Variants in TENM2 observed in about 807,000 individuals in gnomAD.
The protein encoded by TENM2 is teneurin transmembrane protein 2.
Under a neutral mutation model 245.2 loss-of-function variants are expected in TENM2, and 52 were observed. That is an observed-to-expected ratio of 0.21 (90% confidence interval 0.17 to 0.27). The LOEUF (loss-of-function observed/expected upper bound fraction) is 0.27. TENM2 is among the 10% of genes least tolerant of loss of function. The pLI, the probability that TENM2 is intolerant of heterozygous loss-of-function variation, is 1.00. For synonymous variants in TENM2, 1,363 were observed against 1,438.9 expected (o/e 0.95, Z 1.19); for missense variants, 3,046 against 3,666.8 (o/e 0.83, Z 4.37).
chr5:167,731,604 T>C (rs1760441672), intron 2 of TENM2, among the ~76,000 whole-genome samples: 2 of 152,034 alleles, frequency 1.3e-5, no homozygotes, highest in Non-Finnish European at 2.9e-5. Context: ...CTTGAAAATC[T>C]ACTATTTTGT....
rs1450831702 is a variant in TENM2, at chr5:167,515,628, T to TGCATATATGTGTATATATATAC, written c.502+140155_502+140156insGCATATATGTGTATATATATAC. ...AGGGCAATATATATATACATATATA[T>TGCATATATGTGTATATATATAC]ACATATATATGTATATATATACACA... On this transcript the variant is annotated intron_variant, in intron 2 of 28. Coordinates refer to ENST00000518659, the Ensembl canonical transcript of TENM2. 3.5e-5 allele frequency among the ~76,000 whole-genome samples: 5 copies of TGCATATATGTGTATATATATAC among 142,182 alleles called. No homozygotes were observed. In the East Asian group the frequency reaches 8.3e-4, roughly 23 times the overall value. The allele number at this position is 142,182 out of a possible 152,430, so 93.3% of individuals were successfully genotyped here.
chr5:167,511,270 GTC>G lies in TENM2; in HGVS notation c.502+135799_502+135800del, dbSNP rs576932095. Among the ~76,000 whole-genome samples the G allele has an allele frequency of 2.6e-5, 4 of 152,184 alleles. No homozygotes were observed. The South Asian group carries it at 8.3e-4, about 32-fold the overall frequency. ...CTGGGAAATCAGAGTAAAAGAAATT[GTC>G]TTTAATTTTGGAGAGGCTCATAGGG... On this transcript the variant is annotated intron_variant, in intron 2 of 28. Coordinates refer to ENST00000518659, the Ensembl canonical transcript of TENM2.
At chr5:167,351,068 GAT>G (rs1216897777) in intron 1 of TENM2, among the ~76,000 whole-genome samples, 2 of 129,310 alleles carry the variant, frequency 1.5e-5, no homozygotes, top group Admixed American at 8.4e-5. Flanking sequence ...TATACATATG[GAT>G]ATATATATGG....
At chr5:167,882,134 A>G (rs10063203) in intron 3 of TENM2, among the ~76,000 whole-genome samples, 2,535 of 152,318 alleles carry the variant, frequency 0.017, 69 homozygotes, top group African/African-American at 0.058. Flanking sequence ...TGATTGAGAT[A>G]TACAACAGAC....
chr5:167,643,736 AT>A (rs1285673083), intron 2 of TENM2, among the ~76,000 whole-genome samples: 15 of 152,294 alleles, frequency 9.8e-5, no homozygotes, highest in African/African-American at 3.6e-4. Context: ...TTCACAATAG[AT>A]TATTCGAACC....
At chr5:168,255,046 C>CAA (rs371103095) in intron 27 of TENM2, among the ~76,000 whole-genome samples, 49 of 124,398 alleles carry the variant, frequency 3.9e-4, no homozygotes, top group African/African-American at 1.4e-3. Flanking sequence ...GACGCTGTCT[C>CAA]AAAAAAAAAA....
At chr5:167,214,217 C>T in the TENM2 span, among the ~76,000 whole-genome samples, 1 of 152,152 alleles carries the variant, frequency 6.6e-6, no homozygotes, top group African/African-American at 2.4e-5. Context: ...ACAGCATTTG[C>T]CCCATTTTCA....
At chr5:167,368,843 A>G (rs1453144894) in intron 1 of TENM2, among the ~76,000 whole-genome samples, 1 of 151,928 alleles carries the variant, frequency 6.6e-6, no homozygotes, top group African/African-American at 2.4e-5. Flanking sequence ...GCTGAGAGGG[A>G]GAGAGTTACC....
intron 1 of TENM2, among the ~76,000 whole-genome samples, chr5:167,315,862 G>A (rs2076948492): frequency 6.6e-6 from 1 of 152,058 alleles, no homozygotes; most frequent in Admixed American, 6.6e-5. Flanking sequence ...CTTGTTAAAT[G>A]AAAAAGAAAA....
At chr5:167,364,800 G>A (rs1047459109) in intron 1 of TENM2, among the ~76,000 whole-genome samples, 4 of 151,464 alleles carry the variant, frequency 2.6e-5, no homozygotes, top group African/African-American at 7.3e-5. Context: ...GTTTTACAGC[G>A]AGAAAGAGAA....
chr5:167,930,400 C>T (rs945024405), intron 3 of TENM2, among the ~76,000 whole-genome samples: 4 of 151,996 alleles, frequency 2.6e-5, no homozygotes, highest in African/African-American at 9.7e-5. Flanking sequence ...TTTTTAGTGT[C>T]TGTTAACAAT....
At chr5:168,252,269 T>C (rs887914597) in intron 27 of TENM2, among the ~76,000 whole-genome samples, 1 of 151,640 alleles carries the variant, frequency 6.6e-6, no homozygotes, top group African/African-American at 2.4e-5. Flanking sequence ...TCCCAGCTGC[T>C]TGGGAGGCTG....
chr5:167,815,377 C>A (rs780012668), intron 2 of TENM2, among the ~76,000 whole-genome samples: 2 of 152,122 alleles, frequency 1.3e-5, no homozygotes, highest in Non-Finnish European at 2.9e-5. Flanking sequence ...ATCTTCCAGG[C>A]ATGACATATT....
chr5:167,648,628 G>A (rs1306040673), intron 2 of TENM2, among the ~76,000 whole-genome samples: 1 of 152,216 alleles, frequency 6.6e-6, no homozygotes, highest in African/African-American at 2.4e-5. Context: ...AGGGAGAAGC[G>A]ATGCGACTGT....
At chr5:168,208,618 T>C (rs1180277031) in intron 19 of TENM2, among the ~76,000 whole-genome samples, 1 of 152,174 alleles carries the variant, frequency 6.6e-6, no homozygotes, top group Non-Finnish European at 1.5e-5. Flanking sequence ...AGAACGGAAA[T>C]GCTTTTCCTA....
At chr5:167,190,003 G>A in the TENM2 span, among the ~76,000 whole-genome samples, 1 of 151,946 alleles carries the variant, frequency 6.6e-6, no homozygotes, top group African/African-American at 2.4e-5. Flanking sequence ...TCCTAATAGG[G>A]CACCTTTAAC....
chr5:167,559,531 CA>C (rs1325777411), intron 2 of TENM2, among the ~76,000 whole-genome samples: 2 of 152,210 alleles, frequency 1.3e-5, no homozygotes, highest in African/African-American at 4.8e-5. Flanking sequence ...ATGCAGTTTA[CA>C]GTCCTCAGAA....
intron 2 of TENM2, among the ~76,000 whole-genome samples, chr5:167,550,699 AGTGT>A (rs10581183): frequency 0.29 from 33,083 of 113,152 alleles, 5,806 homozygotes; most frequent in East Asian, 0.4. Flanking sequence ...TGTTGTTGTT[AGTGT>A]GTGTGTGTGT....
chr5:167,847,504 C>G (rs1037847171), intron 2 of TENM2, among the ~76,000 whole-genome samples: 1 of 152,248 alleles, frequency 6.6e-6, no homozygotes, highest in Non-Finnish European at 1.5e-5. Flanking sequence ...CCTCCTTGCA[C>G]AGGACTGGAC....
Sources: gnomAD v4.1 joint callset for allele counts (sites outside exome capture counted in the v4.1 genomes callset) on GRCh38, gnomAD v4.1.1 for gene constraint, MANE v1.5 for transcripts, NCBI Gene and HGNC (gene_info 2026-07-23, HGNC 2026-07-21) for gene names.